HHIP: variants seen among roughly 807,000 people sequenced by gnomAD.
The protein encoded by HHIP is hedgehog-interacting protein.
Under a neutral mutation model 74.0 loss-of-function variants are expected in HHIP, and 12 were observed. The ratio of observed to expected loss-of-function variants is 0.16; its 90% CI spans 0.10 to 0.26. The LOEUF is 0.26. Among genes scored for constraint, HHIP ranks in the 10% least tolerant of loss-of-function variants. The pLI, the probability that HHIP is intolerant of heterozygous loss-of-function variation, is 1.00. For missense variants in HHIP, 788 were observed against 845.0 expected (o/e 0.93, Z 0.84); for synonymous variants, 309 against 311.6 (o/e 0.99, Z 0.09).
At chr4:144,702,065 A>G (rs552890745) in intron 4 of HHIP, among the ~76,000 whole-genome samples, 6 of 152,164 alleles carry the variant, frequency 3.9e-5, no homozygotes, top group Non-Finnish European at 8.8e-5. Context: ...AGGCAAGAGG[A>G]TCACTTGAGC....
At chr4:144,680,918 A>C (rs1388908854) in intron 4 of HHIP, among the ~76,000 whole-genome samples, 1 of 152,232 alleles carries the variant, frequency 6.6e-6, no homozygotes, top group Non-Finnish European at 1.5e-5. Flanking sequence ...ATTGACCTGC[A>C]AAATACTAAA....
At position 144,696,266 on chromosome 4, in the gene HHIP, T is replaced by G. The variant is rs151225642; in HGVS notation, c.832-10265T>G. ...TTTACACCACATAAATTTACACAAA[T>G]CTGCACCTCTTTTTTTTTTCCCAAA... On this transcript the variant is annotated intron_variant, in intron 4 of 12. Coordinates refer to ENST00000296575, the MANE Select transcript of HHIP (RefSeq NM_022475.3). 6.0e-5 allele frequency among the ~76,000 whole-genome samples: 9 copies of G among 150,532 alleles called. No homozygotes were observed. In the East Asian group the frequency reaches 1.7e-3, roughly 29 times the overall value.
At chr4:144,647,076 T>C in intron 1 of HHIP, 122 bp downstream of exon 1, 1 of 777,840 alleles carries the variant, frequency 1.3e-6, no homozygotes, top group South Asian at 1.9e-5. Context: ...GTTCTTTCCA[T>C]AACTTTTCTA....
intron 4 of HHIP, among the ~76,000 whole-genome samples, chr4:144,667,204 G>A (rs559195711): frequency 1.4e-3 from 212 of 152,110 alleles, no homozygotes; most frequent in African/African-American, 4.9e-3. Context: ...TTAAACATTA[G>A]CCAGGTGTGA....
intron 4 of HHIP, chr4:144,685,750 A>G (rs1279327025): frequency 3.3e-5 from 5 of 152,226 alleles, no homozygotes; most frequent in African/African-American, 4.8e-5. Flanking sequence ...TGCACCAGCC[A>G]TCTTGTTCCA....
intron 4 of HHIP, among the ~76,000 whole-genome samples, chr4:144,671,808 C>T (rs1484278024): frequency 6.6e-6 from 1 of 152,144 alleles, no homozygotes; most frequent in Admixed American, 6.5e-5. Context: ...GATAGTGAAA[C>T]CCTGTCTCTA....
At chr4:144,683,976 T>C (rs979982879) in intron 4 of HHIP, among the ~76,000 whole-genome samples, 9 of 151,584 alleles carry the variant, frequency 5.9e-5, no homozygotes, top group Non-Finnish European at 1.2e-4. Context: ...GGCAGGAGAA[T>C]TGCTTGAACC....
intron 1 of HHIP, among the ~76,000 whole-genome samples, chr4:144,649,515 G>C (rs150917523): frequency 4.6e-5 from 7 of 152,116 alleles, no homozygotes; most frequent in African/African-American, 1.7e-4. Flanking sequence ...TAACTACCAT[G>C]ACAAATAAGT....
chr4:144,738,182 CAG>C lies in HHIP; in HGVS notation c.*227_*228del. The stretch of plus-strand genomic sequence containing the variant: ...AACCCCTATATGCGTTGTTGCATAA[CAG>C]ATGATTTTTTAAAATATATACTTCC... On this transcript the variant is annotated 3_prime_UTR_variant, in exon 13 of 13. Coordinates refer to ENST00000296575, the MANE Select transcript of HHIP (RefSeq NM_022475.3). 1 of 1,130,948 alleles carries C rather than the reference CAG, an allele frequency of 8.8e-7. No homozygotes were observed. 70.1% of individuals were successfully genotyped at this position (1,130,948 alleles called of 1,614,324 possible). A position where few individuals can be genotyped will look rare whatever the true frequency, so the allele number is the denominator to read the frequency against.
At chr4:144,677,117 C>T (rs571933793) in intron 4 of HHIP, among the ~76,000 whole-genome samples, 4 of 152,310 alleles carry the variant, frequency 2.6e-5, no homozygotes, top group Non-Finnish European at 5.9e-5. Context: ...GGTCTCTGTG[C>T]AACCAGTTGG....
intron 4 of HHIP, among the ~76,000 whole-genome samples, chr4:144,677,370 T>A (rs1039301346): frequency 3.9e-5 from 6 of 152,216 alleles, no homozygotes; most frequent in Non-Finnish European, 8.8e-5. Context: ...GCTTTCTCCT[T>A]GCAGCACAGA....
intron 11 of HHIP, among the ~76,000 whole-genome samples, chr4:144,733,045 A>C (rs1731005649): frequency 6.6e-6 from 1 of 152,208 alleles, no homozygotes; most frequent in South Asian, 2.1e-4. Context: ...ATGAGAAAGA[A>C]ATAGAATATA....
intron 4 of HHIP, among the ~76,000 whole-genome samples, chr4:144,691,878 C>T (rs1001320743): frequency 6.6e-6 from 1 of 151,632 alleles, no homozygotes; most frequent in African/African-American, 2.4e-5. Flanking sequence ...TAGTTTTCCA[C>T]CTGAAACTAC....
chr4:144,738,500 G>C lies in HHIP; in HGVS notation c.*543G>C. The C allele has an allele frequency of 1.0e-6, 1 of 979,352 alleles. No homozygotes were observed. The highest frequency in any genetic ancestry group is 1.2e-6 in the Non-Finnish European group (1 of 824,124). The allele number at this position is 979,352 out of a possible 1,614,324, so 60.7% of individuals were successfully genotyped here. ...ATCTTCATTTTTGTCAGTGTATCCA[G>C]TTACAGAATGCTACACACTTACCTT... On this transcript the variant is annotated 3_prime_UTR_variant, in exon 13 of 13. Coordinates refer to ENST00000296575, the MANE Select transcript of HHIP (RefSeq NM_022475.3).
chr4:144,666,290 T>C (rs1728861652), intron 4 of HHIP, among the ~76,000 whole-genome samples: 1 of 103,030 alleles, frequency 9.7e-6, no homozygotes, highest in South Asian at 3.4e-4. Flanking sequence ...TGTGTGTGTG[T>C]GTGTGATGAG....
At chr4:144,693,651 CT>C (rs1729736801) in intron 4 of HHIP, among the ~76,000 whole-genome samples, 1 of 151,882 alleles carries the variant, frequency 6.6e-6, no homozygotes, top group South Asian at 2.1e-4. Context: ...TTTATAATCA[CT>C]TTTCTATCTT....
intron 4 of HHIP, among the ~76,000 whole-genome samples, chr4:144,700,804 T>C (rs1170570252): frequency 6.6e-6 from 1 of 152,210 alleles, no homozygotes; most frequent in Non-Finnish European, 1.5e-5. Flanking sequence ...CAAATTAAGA[T>C]AAAAAATTTA....
chr4:144,729,770 C>G (rs1730897785), intron 11 of HHIP, among the ~76,000 whole-genome samples: 1 of 152,144 alleles, frequency 6.6e-6, no homozygotes, highest in Admixed American at 6.6e-5. Flanking sequence ...CTGTCTAAGA[C>G]AGGCTACAGA....
intron 8 of HHIP, among the ~76,000 whole-genome samples, chr4:144,712,583 G>A (rs1730335632): frequency 6.6e-6 from 1 of 151,966 alleles, no homozygotes; most frequent in South Asian, 2.1e-4. Flanking sequence ...CATGGGAATG[G>A]GACATTTAAG....
Sources: allele counts gnomAD v4.1 joint callset (sites outside exome capture counted in the v4.1 genomes callset), GRCh38; gene constraint gnomAD v4.1.1; transcripts MANE v1.5; gene names NCBI Gene and HGNC (gene_info 2026-07-23, HGNC 2026-07-21).